Variants in CDH13 observed in about 807,000 individuals in gnomAD.
CDH13 encodes the protein cadherin 13, also known as cadherin-13.
A neutral mutation model predicts 63.8 loss-of-function variants in CDH13; 24 were observed. The observed-to-expected ratio is 0.38, with a 90% CI of 0.27 to 0.53. The LOEUF (loss-of-function observed/expected upper bound fraction) is 0.53. Ranked by LOEUF, CDH13 falls within the 20% of genes least tolerant of loss-of-function variation. The probability of loss-of-function intolerance (pLI) is 0.85; values close to 1 mark genes in which losing one functional copy is unlikely to be tolerated. For missense variants in CDH13, 1,049 were observed against 903.1 expected, an observed-to-expected ratio of 1.16 and a Z score of -2.07; for synonymous variants, 503 against 355.3, an observed-to-expected ratio of 1.42 and a Z score of -4.67.
At chr16:83,471,616 G>A (rs942747619) in intron 6 of CDH13, among the ~76,000 whole-genome samples, 5 of 152,172 alleles carry the variant, frequency 3.3e-5, no homozygotes, top group East Asian at 1.9e-4. Flanking sequence ...ACTGTGAAGC[G>A]ACTTTTGCAG....
At chr16:83,608,323 A>G (rs1161828267) in intron 8 of CDH13, among the ~76,000 whole-genome samples, 1 of 152,216 alleles carries the variant, frequency 6.6e-6, no homozygotes, top group Non-Finnish European at 1.5e-5. Context: ...GGTAAATGGT[A>G]GGAGTTAGGA....
chr16:83,066,102 C>T (rs7196826), intron 3 of CDH13, among the ~76,000 whole-genome samples: 2 of 151,976 alleles, frequency 1.3e-5, no homozygotes, highest in African/African-American at 4.8e-5. Context: ...GGATGTAATA[C>T]GATAGTGACA....
At chr16:82,648,733 T>C (rs962333162) in intron 1 of CDH13, among the ~76,000 whole-genome samples, 3 of 152,012 alleles carry the variant, frequency 2.0e-5, no homozygotes, top group Non-Finnish European at 4.4e-5. Context: ...ACATCTATAA[T>C]GAAAAATACA....
chr16:83,734,727 TATAATA>T (rs61075767), intron 10 of CDH13, among the ~76,000 whole-genome samples: 13 of 141,866 alleles, frequency 9.2e-5, no homozygotes, highest in South Asian at 7.0e-4. Context: ...AAACTTAAAG[TATAATA>T]ATAATAATAA....
At chr16:83,674,303 T>A (rs59695105) in intron 9 of CDH13, among the ~76,000 whole-genome samples, 11,383 of 152,206 alleles carry the variant, frequency 0.075, 692 homozygotes, top group African/African-American at 0.17. Context: ...GACATTTTCC[T>A]CTTGGACATA....
intron 5 of CDH13, among the ~76,000 whole-genome samples, chr16:83,251,651 T>C (rs982889939): frequency 5.3e-5 from 8 of 152,228 alleles, no homozygotes; most frequent in African/African-American, 1.9e-4. Flanking sequence ...TGCAGGATGG[T>C]CTGTGGCCAT....
In CDH13 at chr16:83,321,793, G is replaced by T. The variant is rs141168179; in HGVS notation, c.637-23069G>T. Among the ~76,000 whole-genome samples the T allele has an allele frequency of 3.7e-3, 565 of 152,304 alleles. 7 individuals are homozygous for T. Among genetic ancestry groups the T allele is most frequent in the African/African-American group, 0.013 (538 of 41,584 alleles). The stretch of plus-strand genomic sequence containing the variant: ...TCTGCCTGCCTCAGCCTCCCAAAGT[G>T]CTGGGATTACAGGCGTGAGCTCTGC... On this transcript the variant is annotated intron_variant, in intron 5 of 13. Coordinates refer to ENST00000567109, the MANE Select transcript of CDH13 (RefSeq NM_001257.5).
chr16:83,536,532 G>A (rs1276144795), intron 7 of CDH13, among the ~76,000 whole-genome samples: 1 of 151,792 alleles, frequency 6.6e-6, no homozygotes, highest in Non-Finnish European at 1.5e-5. Context: ...GGCTGGAGAG[G>A]CCACCAAGAG....
chr16:83,556,823 C>T (rs8052006), intron 7 of CDH13, among the ~76,000 whole-genome samples: 1,565 of 152,334 alleles, frequency 0.01, 20 homozygotes, highest in African/African-American at 0.036. Flanking sequence ...TTCACAGTCT[C>T]AGCTGATGCC....
intron 5 of CDH13, among the ~76,000 whole-genome samples, chr16:83,246,384 A>C (rs1904994469): frequency 6.6e-6 from 1 of 152,126 alleles, no homozygotes; most frequent in African/African-American, 2.4e-5. Flanking sequence ...TTGCATTTGC[A>C]AAGATCACAT....
intron 10 of CDH13, among the ~76,000 whole-genome samples, chr16:83,688,284 A>C (rs185115387): frequency 7.7e-4 from 118 of 152,326 alleles, no homozygotes; most frequent in African/African-American, 2.8e-3. Context: ...AAAAGGCAAA[A>C]ATCAGCTCTC....
chr16:82,721,166 C>T (rs1209161872), intron 1 of CDH13, among the ~76,000 whole-genome samples: 1 of 152,160 alleles, frequency 6.6e-6, no homozygotes, highest in Non-Finnish European at 1.5e-5. Context: ...TACAGTGTTG[C>T]TGATGATATT....
chr16:83,151,235 C>T (rs2036967342), intron 4 of CDH13, among the ~76,000 whole-genome samples: 2 of 152,174 alleles, frequency 1.3e-5, no homozygotes, highest in South Asian at 2.1e-4. Flanking sequence ...AGTGGTGACA[C>T]AATATGCTCC....
At chr16:83,079,391 T>C (rs9932437) in intron 3 of CDH13, among the ~76,000 whole-genome samples, 94,483 of 152,048 alleles carry the variant, frequency 0.62, 29,959 homozygotes, top group African/African-American at 0.75. Flanking sequence ...CTCACTGTGA[T>C]GCATACTGGA....
At chr16:83,288,986 C>T (rs1249880535) in intron 5 of CDH13, among the ~76,000 whole-genome samples, 5 of 152,196 alleles carry the variant, frequency 3.3e-5, no homozygotes. Context: ...TAACTGCCTG[C>T]TCGCTACAGT....
intron 5 of CDH13, among the ~76,000 whole-genome samples, chr16:83,319,294 C>T (rs1349429583): frequency 6.6e-6 from 1 of 152,168 alleles, no homozygotes; most frequent in Admixed American, 6.5e-5. Flanking sequence ...CTAGGATTCT[C>T]TTTGGCATTC....
At chr16:83,257,454 T>C (rs577741795) in intron 5 of CDH13, among the ~76,000 whole-genome samples, 7 of 152,332 alleles carry the variant, frequency 4.6e-5, no homozygotes, top group South Asian at 2.1e-4. Flanking sequence ...TTTCTTTCTT[T>C]GTCCCACCCA....
rs1269041753 is a variant in CDH13 at position 83,047,782 on chromosome 16, C to T, written c.366+15564C>T. On this transcript the variant is annotated intron_variant, in intron 3 of 13. Coordinates refer to ENST00000567109, the MANE Select transcript of CDH13 (RefSeq NM_001257.5). The surrounding 1 kb of genome is among the most constrained non-coding windows in gnomAD (Gnocchi z 4.9). ...TCGTAGTCAATTTATTTAGCTCAAA[C>T]GTTGTGCGGGGCACCACTTTAAGTG... 4.6e-5 allele frequency among the ~76,000 whole-genome samples: 7 copies of T among 152,272 alleles called. No homozygotes were observed. Among genetic ancestry groups the T allele is most frequent in the South Asian group, 4.1e-4 (2 of 4,826 alleles).
In CDH13 at chr16:83,082,134, G is replaced by A. The variant is rs2033296362; in HGVS notation, c.367-43251G>A. Among the ~76,000 whole-genome samples, 7 of 152,270 alleles carry A rather than the reference G, an allele frequency of 4.6e-5. No individual in the cohort carries two copies. The South Asian group carries it at 1.5e-3, about 32-fold the overall frequency. ...CTTCTTAATGGCCCAATCTCCAAAT[G>A]TTATCACATTGGGGTTTAGGGCTTC... is the stretch of plus-strand genomic sequence containing the variant. On this transcript the variant is annotated intron_variant, in intron 3 of 13. Transcript: ENST00000567109.
Sources: allele counts gnomAD v4.1 joint callset (sites outside exome capture counted in the v4.1 genomes callset), GRCh38; gene constraint gnomAD v4.1.1; non-coding constraint Gnocchi (gnomAD v3.1); transcripts MANE v1.5; gene names NCBI Gene and HGNC (gene_info 2026-07-23, HGNC 2026-07-21).